B3GALT1: variants seen among roughly 807,000 people sequenced by gnomAD.
B3GALT1 encodes UDP-Gal:betaGlcNAc beta 1,3-galactosyltransferase, polypeptide 1.
Under a neutral mutation model 23.2 loss-of-function variants are expected in B3GALT1, and 10 were observed. The ratio of observed to expected loss-of-function variants is 0.43; its 90% confidence interval spans 0.27 to 0.73. The LOEUF is 0.73. Among genes scored for constraint, B3GALT1 ranks in the 30% least tolerant of loss-of-function variants. The pLI, the probability that B3GALT1 is intolerant of heterozygous loss-of-function variation, is 0.21. For synonymous variants in B3GALT1, 156 were observed against 141.5 expected (o/e 1.10, Z -0.73); for missense variants, 299 against 405.4 (o/e 0.74, Z 2.25).
chr2:167,354,347 CTTT>C (rs373088288), intron 1 of B3GALT1, among the ~76,000 whole-genome samples: 209 of 115,008 alleles, frequency 1.8e-3, no homozygotes, highest in East Asian at 5.8e-3. Flanking sequence ...GGTAAATCTT[CTTT>C]TTTTTTTTTT....
chr2:167,633,183 A>G (rs1239820981), intron 2 of B3GALT1, among the ~76,000 whole-genome samples: 2 of 151,976 alleles, frequency 1.3e-5, no homozygotes, highest in Non-Finnish European at 2.9e-5. Context: ...GAAAATACAG[A>G]GAACACCACA....
chr2:167,363,110 C>T (rs1244982339), intron 1 of B3GALT1, among the ~76,000 whole-genome samples: 1 of 151,876 alleles, frequency 6.6e-6, no homozygotes, highest in Non-Finnish European at 1.5e-5. Flanking sequence ...CCACCTCAGC[C>T]TCCCAAAGTG....
chr2:167,407,659 A>G (rs189037576), intron 1 of B3GALT1, among the ~76,000 whole-genome samples: 104 of 152,272 alleles, frequency 6.8e-4, no homozygotes, highest in African/African-American at 2.5e-3. Flanking sequence ...AGACGTAACA[A>G]CTGAGACATC....
chr2:167,710,574 A>G (rs945696323), intron 3 of B3GALT1, among the ~76,000 whole-genome samples: 5 of 152,174 alleles, frequency 3.3e-5, no homozygotes, highest in Non-Finnish European at 7.3e-5. Flanking sequence ...GATGTATGAG[A>G]GACCAACCTC....
Position 167,442,341 on chromosome 2 carries a change from G to A in B3GALT1, c.-510-47836G>A, listed in dbSNP as rs535739114. On this transcript the variant is annotated intron_variant, in intron 1 of 4. Transcript: ENST00000392690. ...GTGAATAATGCCGCAATAAACATAC[G>A]TGTGCATGTGTCTTTATAGCATCAT... 1.2e-3 allele frequency among the ~76,000 whole-genome samples: 179 copies of A among 152,216 alleles called. 1 individual carries two copies. The highest frequency in any genetic ancestry group is 4.1e-3 in the African/African-American group (170 of 41,528).
intron 3 of B3GALT1, among the ~76,000 whole-genome samples, chr2:167,664,080 T>A (rs1686126324): frequency 6.6e-6 from 1 of 150,914 alleles, no homozygotes; most frequent in Admixed American, 6.6e-5. Flanking sequence ...TCTTGTAGGG[T>A]TTTTATGGTT....
chr2:167,627,503 G>A (rs1019046412), intron 2 of B3GALT1, among the ~76,000 whole-genome samples: 1 of 151,648 alleles, frequency 6.6e-6, no homozygotes, highest in Admixed American at 6.6e-5. Context: ...TGTATCTGCA[G>A]TTTATTCCTT....
Position 167,830,943 on chromosome 2 carries a change from G to GTGAGCCTC in B3GALT1, c.-230+12161_-230+12168dup, listed in dbSNP as rs1164729031. Among the ~76,000 whole-genome samples, 5 of 152,202 alleles carry GTGAGCCTC rather than the reference G, an allele frequency of 3.3e-5. No individual in the cohort carries two copies. The East Asian group carries it at 9.6e-4, about 29-fold the overall frequency. Reference sequence around the variant, plus strand: ...CTGCACACCAGTTGTAAGAACATGGGTGAGCCTCTGAGCCTCTGGACATTT... The same window carrying GTGAGCCTC: ...CTGCACACCAGTTGTAAGAACATGGGTGAGCCTCTGAGCCTCTGAGCCTCTGGACATTT... On this transcript the variant is annotated intron_variant, in intron 4 of 4. Coordinates refer to ENST00000392690, the MANE Select transcript of B3GALT1 (RefSeq NM_020981.4).
intron 3 of B3GALT1, among the ~76,000 whole-genome samples, chr2:167,771,289 G>T (rs1019000149): frequency 2.0e-5 from 3 of 152,174 alleles, no homozygotes; most frequent in African/African-American, 7.2e-5. Context: ...AGATATGTGT[G>T]TGTTTAAACA....
At chr2:167,697,442 A>G (rs189355603) in intron 3 of B3GALT1, among the ~76,000 whole-genome samples, 46 of 152,254 alleles carry the variant, frequency 3.0e-4, no homozygotes, top group Non-Finnish European at 4.6e-4. Flanking sequence ...CAACAAGGTA[A>G]CCCAACTGTC....
chr2:167,298,765 A>G (rs1490621832), intron 1 of B3GALT1, among the ~76,000 whole-genome samples: 1 of 152,112 alleles, frequency 6.6e-6, no homozygotes, highest in Non-Finnish European at 1.5e-5. Flanking sequence ...ACTCCAGAAA[A>G]TACCAAAACT....
intron 1 of B3GALT1, among the ~76,000 whole-genome samples, chr2:167,421,491 AGGTAGAGT>A (rs1698546300): frequency 1.3e-5 from 2 of 152,216 alleles, no homozygotes; most frequent in South Asian, 4.1e-4. Context: ...TACTCTTTAT[AGGTAGAGT>A]TGTCCTCAAA....
intron 3 of B3GALT1, among the ~76,000 whole-genome samples, chr2:167,675,112 A>G (rs1399330591): frequency 6.6e-6 from 1 of 152,184 alleles, no homozygotes; most frequent in Non-Finnish European, 1.5e-5. Context: ...TTTAGCACAC[A>G]CAGGGGTCTT....
chr2:167,792,479 T>C (rs1688453762), intron 3 of B3GALT1, among the ~76,000 whole-genome samples: 3 of 152,226 alleles, frequency 2.0e-5, no homozygotes, highest in African/African-American at 7.2e-5. Context: ...GAGTAATCCA[T>C]TGACCAGAAT....
chr2:167,583,045 C>G (rs1684515995), intron 2 of B3GALT1, among the ~76,000 whole-genome samples: 1 of 152,182 alleles, frequency 6.6e-6, no homozygotes, highest in Non-Finnish European at 1.5e-5. Flanking sequence ...GCATCTACCC[C>G]ACACCACAGT....
intron 1 of B3GALT1, among the ~76,000 whole-genome samples, chr2:167,376,594 T>C (rs1459130214): frequency 6.6e-6 from 1 of 152,220 alleles, no homozygotes; most frequent in African/African-American, 2.4e-5. Context: ...CAGAAATTTA[T>C]CTGTTTCTTG....
At chr2:167,354,829 C>G (rs912698815) in intron 1 of B3GALT1, among the ~76,000 whole-genome samples, 7 of 152,236 alleles carry the variant, frequency 4.6e-5, no homozygotes, top group Admixed American at 6.5e-5. Context: ...TTGCCTGCAC[C>G]ACATTTATTG....
intron 1 of B3GALT1, among the ~76,000 whole-genome samples, chr2:167,435,954 A>AACACACACACACAC (rs66661618): frequency 1.4e-4 from 19 of 139,220 alleles, no homozygotes; most frequent in Non-Finnish European, 2.7e-4. Context: ...CACACACACA[A>AACACACACACACAC]ACACACACAC....
At chr2:167,417,764 A>T (rs1698492091) in intron 1 of B3GALT1, among the ~76,000 whole-genome samples, 1 of 152,206 alleles carries the variant, frequency 6.6e-6, no homozygotes, top group Non-Finnish European at 1.5e-5. Flanking sequence ...GACTATTATA[A>T]TAATGGTCAT....
Sources: gnomAD v4.1 joint callset for allele counts (sites outside exome capture counted in the v4.1 genomes callset) on GRCh38, gnomAD v4.1.1 for gene constraint, MANE v1.5 for transcripts, NCBI Gene and HGNC (gene_info 2026-07-23, HGNC 2026-07-21) for gene names.